PFN1: variants seen among roughly 807,000 people sequenced by gnomAD.
PFN1 encodes the protein profilin 1.
A neutral mutation model predicts 11.7 loss-of-function variants in PFN1; 2 were observed. The ratio of observed to expected loss-of-function variants is 0.17; its 90% CI spans 0.07 to 0.54. The LOEUF (loss-of-function observed/expected upper bound fraction) is 0.54, where lower values mean the gene tolerates loss of function less well. PFN1 is among the 20% of genes least tolerant of loss of function. The pLI, the probability that PFN1 is intolerant of heterozygous loss-of-function variation, is 0.94. For synonymous variants in PFN1, 78 were observed against 76.2 expected, an observed-to-expected ratio of 1.02 and a Z score of -0.12; for missense variants, 97 against 188.4, an observed-to-expected ratio of 0.51 and a Z score of 2.84.
intron 2 of PFN1, among the ~76,000 whole-genome samples, chr17:4,946,422 G>A (rs563754184): frequency 2.0e-5 from 3 of 152,326 alleles, no homozygotes; most frequent in South Asian, 4.1e-4. Flanking sequence ...AGGTAATGCA[G>A]TTCAGCAACT....
At position 4,948,389 on chromosome 17, in the gene PFN1, G is replaced by C. The variant is rs758863313; in HGVS notation, c.6C>G (p.Ala2=). The C allele has an allele frequency of 1.2e-6, 2 of 1,604,976 alleles. No individual in the cohort carries two copies. Among genetic ancestry groups the C allele is most frequent in the Non-Finnish European group, 1.7e-6 (2 of 1,177,526 alleles). Residue 2 remains alanine (A), a synonymous_variant, in exon 1 of 3, where the codon GCC becomes GCG. Transcript: ENST00000225655. ...GGTTGTCGATGTAGGCGTTCCACCC[G>C]GCCATGGCGCTGCTACTGGGGCTGC... is the stretch of plus-strand genomic sequence containing the variant. M[A]GWNAYIDNLM... is the part of the protein sequence containing the mutation.
At position 4,946,721 on chromosome 17, in the gene PFN1, G is replaced by A. The variant is rs367732620; in HGVS notation, c.232C>T (p.Leu78=). ...GQKCSVIRDS[L]LQDGEFSMDL... is the part of the protein sequence containing the mutation. ...ATGCTAAATTCCCCATCCTGCAGCAGTGAGTCCCGGATCACCGAACATTTC... is the reference window on the plus strand; with the variant it reads ...ATGCTAAATTCCCCATCCTGCAGCAATGAGTCCCGGATCACCGAACATTTC... The change falls in exon 2 of 3, where the codon CTG becomes TTG. Residue 78 remains leucine (L), a synonymous_variant. Coordinates refer to ENST00000225655, the MANE Select transcript of PFN1 (RefSeq NM_005022.4). 16 of 1,614,064 alleles carry A rather than the reference G, an allele frequency of 9.9e-6. No individual in the cohort carries two copies. Among genetic ancestry groups the A allele is most frequent in the Non-Finnish European group, 1.4e-5 (16 of 1,180,014 alleles).
intron 1 of PFN1, 111 bp from the exon 2 acceptor site, chr17:4,946,931 C>A (rs1388628137): frequency 3.4e-6 from 3 of 882,210 alleles, no homozygotes; most frequent in African/African-American, 1.7e-5. Context: ...GCCGTGGGGG[C>A]TAAGTATAAA....
chr17:4,946,561 AAGATT>A, intron 2 of PFN1, 62 bp downstream of exon 2: 1 of 1,359,128 alleles, frequency 7.4e-7, no homozygotes, highest in African/African-American at 1.5e-5. Flanking sequence ...AAGCACCCTC[AAGATT>A]ACCAGAAGGC....
chr17:4,946,084 G>T (rs1263094975), intron 2 of PFN1, 87 bp from the exon 3 acceptor site: 4 of 997,956 alleles, frequency 4.0e-6, no homozygotes, highest in Non-Finnish European at 6.3e-6. Flanking sequence ...GTCCAGCCCT[G>T]GGGGCTGTAA....
chr17:4,948,228 G>C (rs983788520), intron 1 of PFN1, 35 bp downstream of exon 1: 1 of 1,575,394 alleles, frequency 6.3e-7, no homozygotes, highest in Non-Finnish European at 8.6e-7. Flanking sequence ...GTCCAAACCG[G>C]AGCAGTGCCC....
Position 4,948,528 on chromosome 17 carries a change from T to A in PFN1, c.-134A>T, listed in dbSNP as rs1241163632. The stretch of plus-strand genomic sequence containing the variant: ...CCGTCCGGACCGCGGCTCCGCTCGC[T>A]GTGCAGCAGCCCTCGCACCGCCACT... On this transcript the variant is annotated 5_prime_UTR_variant, in exon 1 of 3. Coordinates refer to ENST00000225655, the MANE Select transcript of PFN1 (RefSeq NM_005022.4). The A allele has an allele frequency of 6.9e-5, 68 of 981,706 alleles. No individual in the cohort carries two copies. The highest frequency in any genetic ancestry group is 8.9e-5 in the Non-Finnish European group (64 of 717,312). 60.8% of individuals were successfully genotyped at this position (981,706 alleles called of 1,614,324 possible).
In PFN1 at chr17:4,948,422, G is replaced by T; in HGVS notation, c.-28C>A. 6.4e-7 allele frequency: 1 copy of T among 1,574,728 alleles called. No individual in the cohort carries two copies. Among genetic ancestry groups the T allele is most frequent in the Non-Finnish European group, 8.6e-7 (1 of 1,165,454 alleles). On this transcript the variant is annotated 5_prime_UTR_variant, in exon 1 of 3. Coordinates refer to ENST00000225655, the MANE Select transcript of PFN1 (RefSeq NM_005022.4). ...CGCTGCTACTGGGGCTGCTCTCGGC[G>T]CTGCTGCTGGGGCCGCGGACTGGGC...
intron 2 of PFN1, 92 bp downstream of exon 2, chr17:4,946,536 G>C: frequency 1.0e-6 from 1 of 959,640 alleles, no homozygotes; most frequent in Admixed American, 2.3e-5. Flanking sequence ...CTTCATGTTG[G>C]GGAATCACAC....
At chr17:4,948,084 A>G (rs1194732431) in intron 1 of PFN1, 179 bp downstream of exon 1, 18 of 613,264 alleles carry the variant, frequency 2.9e-5, no homozygotes, top group Non-Finnish European at 4.6e-5. Context: ...CCTGGGGCAT[A>G]GGACCTACGG....
intron 1 of PFN1, 132 bp downstream of exon 1, chr17:4,948,131 G>A: frequency 7.4e-6 from 8 of 1,086,438 alleles, no homozygotes; most frequent in Non-Finnish European, 1.0e-5. Flanking sequence ...GCCGCCATTC[G>A]CGCCGCTTCC....
chr17:4,947,889 G>T (rs1004373326), intron 1 of PFN1, among the ~76,000 whole-genome samples: 5 of 152,160 alleles, frequency 3.3e-5, no homozygotes, highest in African/African-American at 1.2e-4. Flanking sequence ...GGAGCTGGGG[G>T]TCCAAGGATC....
rs371362753 is a variant in PFN1, at chr17:4,948,444, G to A, written c.-50C>T. The A allele has an allele frequency of 4.6e-5, 71 of 1,534,642 alleles. No homozygotes were observed. Among genetic ancestry groups the A allele is most frequent in the African/African-American group, 2.4e-4 (17 of 70,452 alleles). On this transcript the variant is annotated 5_prime_UTR_variant, in exon 1 of 3. Coordinates refer to ENST00000225655, the MANE Select transcript of PFN1 (RefSeq NM_005022.4). ...GGCGCTGCTGCTGGGGCCGCGGACTGGGCTCGAGCTGCCTCGGCTGGCGGG... is the reference window on the plus strand; with the variant it reads ...GGCGCTGCTGCTGGGGCCGCGGACTAGGCTCGAGCTGCCTCGGCTGGCGGG...
At chr17:4,947,758 C>A (rs1441984859) in intron 1 of PFN1, among the ~76,000 whole-genome samples, 1 of 152,072 alleles carries the variant, frequency 6.6e-6, no homozygotes, top group African/African-American at 2.4e-5. Flanking sequence ...CCCTCTCTAA[C>A]GGAGTTAGGA....
intron 2 of PFN1, 82 bp downstream of exon 2, chr17:4,946,546 C>CA (rs1971400264): frequency 2.5e-6 from 3 of 1,222,082 alleles, no homozygotes; most frequent in African/African-American, 1.5e-5. Context: ...GGGAATCACA[C>CA]AAAAAAGCAC....
At chr17:4,946,979 T>A in intron 1 of PFN1, 159 bp from the exon 2 acceptor site, 2 of 520,834 alleles carry the variant, frequency 3.8e-6, no homozygotes, top group Non-Finnish European at 6.6e-6. Flanking sequence ...TGTGAGAAAC[T>A]CTGAGGACTG....
chr17:4,947,574 C>G (rs1253094681), intron 1 of PFN1: 1 of 151,824 alleles, frequency 6.6e-6, no homozygotes, highest in African/African-American at 2.4e-5. Context: ...GTGGTGGGAG[C>G]AGCGGTAGTA....
At chr17:4,947,986 ACCGGGCGCCGCG>A (rs1425405030) in intron 1 of PFN1, 1 of 348,762 alleles carries the variant, frequency 2.9e-6, no homozygotes, top group East Asian at 4.7e-5. Flanking sequence ...GGGCCGCCGC[ACCGGGCGCCGCG>A]CCCCTCCCCG....
intron 1 of PFN1, 182 bp downstream of exon 1, chr17:4,948,081 C>A (rs1971445590): frequency 1.7e-6 from 1 of 604,472 alleles, no homozygotes. Context: ...CCGCCTGGGG[C>A]ATAGGACCTA....
Sources: allele counts gnomAD v4.1 joint callset (sites outside exome capture counted in the v4.1 genomes callset), GRCh38; gene constraint gnomAD v4.1.1; transcripts MANE v1.5; gene names NCBI Gene and HGNC (gene_info 2026-07-23, HGNC 2026-07-21).